WNT7B: variants seen among roughly 807,000 people sequenced by gnomAD.
WNT7B encodes Wnt family member 7B.
In WNT7B, 19 loss-of-function variants were observed where a neutral mutation model predicts 38.2. The ratio of observed to expected loss-of-function variants is 0.50; its 90% CI spans 0.35 to 0.73. WNT7B has a LOEUF of 0.73. Among genes scored for constraint, WNT7B ranks in the 30% least tolerant of loss-of-function variants. The pLI is 0.01. For synonymous variants in WNT7B, 243 were observed against 209.3 expected (o/e 1.16, Z -1.39); for missense variants, 423 against 507.9 (o/e 0.83, Z 1.61).
chr22:45,942,292 G>C (rs1453087990), intron 2 of WNT7B, among the ~76,000 whole-genome samples: 1 of 152,222 alleles, frequency 6.6e-6, no homozygotes, highest in African/African-American at 2.4e-5. Context: ...GAGAAGCTCA[G>C]GGCCCAGGTG....
intron 1 of WNT7B, among the ~76,000 whole-genome samples, chr22:45,950,549 C>G (rs1198475213): frequency 6.6e-6 from 1 of 152,246 alleles, no homozygotes; most frequent in African/African-American, 2.4e-5. Context: ...GACCCCAACT[C>G]CCCGACCAAT....
chr22:45,932,989 G>C (rs1184807740), intron 2 of WNT7B, among the ~76,000 whole-genome samples: 1 of 152,236 alleles, frequency 6.6e-6, no homozygotes, highest in East Asian at 1.9e-4. Flanking sequence ...AGCACCAACG[G>C]CATGCCCAGC....
intron 3 of WNT7B, chr22:45,927,494 C>T: frequency 1.3e-6 from 2 of 1,549,654 alleles, no homozygotes; most frequent in Non-Finnish European, 1.7e-6. Context: ...CGGCAAGTGA[C>T]TTTATTTGGA....
At chr22:45,964,531 A>T in intron 1 of WNT7B, among the ~76,000 whole-genome samples, 1 of 152,112 alleles carries the variant, frequency 6.6e-6, no homozygotes, top group East Asian at 1.9e-4. Flanking sequence ...GCACCTGGAA[A>T]TTCCCAACAC....
rs952217792 is a variant in WNT7B, at chr22:45,921,223, C to A, written c.*1633G>T. Reference sequence around the variant, plus strand: ...CAAGTTCCTCCCTCTGTCACTCATGCTCCTCAGAGACAGGGGTGGGAGCAT... The same window carrying A: ...CAAGTTCCTCCCTCTGTCACTCATGATCCTCAGAGACAGGGGTGGGAGCAT... On this transcript the variant is annotated 3_prime_UTR_variant, in exon 4 of 4. Coordinates refer to ENST00000339464, the MANE Select transcript of WNT7B (RefSeq NM_058238.3). 1 of 152,324 alleles carries A rather than the reference C, an allele frequency of 6.6e-6. No homozygotes were observed. The highest frequency in any genetic ancestry group is 6.5e-5 in the Admixed American group (1 of 15,288). 9.4% of individuals were successfully genotyped at this position (152,324 alleles called of 1,614,324 possible).
At chr22:45,963,961 A>G (rs567794212) in intron 1 of WNT7B, among the ~76,000 whole-genome samples, 2 of 152,056 alleles carry the variant, frequency 1.3e-5, no homozygotes, top group African/African-American at 2.4e-5. Flanking sequence ...CAGGAGCTGC[A>G]GCCTGGAGGG....
At position 45,931,263 on chromosome 22, in the gene WNT7B, G is replaced by C; in HGVS notation, c.405C>G (p.Arg135=). 1 of 1,598,850 alleles carries C rather than the reference G, an allele frequency of 6.3e-7. No homozygotes were observed. Among genetic ancestry groups the C allele is most frequent in the Non-Finnish European group, 8.5e-7 (1 of 1,179,774 alleles). The part of the protein sequence containing the change: ...QGNLSNCGCD[R]EKQGYYNQAE... The stretch of plus-strand genomic sequence containing the variant: ...CTTGGTTGTAGTAGCCCTGCTTCTC[G>C]CGGTCGCAGCCGCAGTTGCTCAGGT... Residue 135 remains arginine (R), a synonymous_variant, in exon 3 of 4, where the codon CGC becomes CGG. Coordinates refer to ENST00000339464, the MANE Select transcript of WNT7B (RefSeq NM_058238.3).
intron 3 of WNT7B, among the ~76,000 whole-genome samples, chr22:45,928,545 A>G (rs1033539724): frequency 6.6e-6 from 1 of 151,894 alleles, no homozygotes; most frequent in Non-Finnish European, 1.5e-5. Context: ...CACTGGCGGC[A>G]TCATCAGAGC....
intron 2 of WNT7B, among the ~76,000 whole-genome samples, chr22:45,946,000 G>A (rs1931785554): frequency 6.6e-6 from 1 of 152,222 alleles, no homozygotes; most frequent in Non-Finnish European, 1.5e-5. Flanking sequence ...GTGGGGCTAG[G>A]GGGCCCAAGA....
chr22:45,945,697 C>CG (rs1453480142), intron 2 of WNT7B, among the ~76,000 whole-genome samples: 1 of 152,212 alleles, frequency 6.6e-6, no homozygotes, highest in Non-Finnish European at 1.5e-5. Context: ...GCACCTGGCC[C>CG]GGGAGTCACC....
At chr22:45,957,704 A>AAAC (rs1932103665) in intron 1 of WNT7B, among the ~76,000 whole-genome samples, 2 of 147,758 alleles carry the variant, frequency 1.4e-5, no homozygotes, top group Non-Finnish European at 3.0e-5. Flanking sequence ...AAAAAAAAAA[A>AAAC]AAAAAAAACA....
At chr22:45,957,382 T>C (rs1346415194) in intron 1 of WNT7B, among the ~76,000 whole-genome samples, 1 of 151,322 alleles carries the variant, frequency 6.6e-6, no homozygotes, top group Non-Finnish European at 1.5e-5. Context: ...CTTCTTACAA[T>C]AATTAAAATA....
chr22:45,941,848 C>T (rs902453951), intron 2 of WNT7B, among the ~76,000 whole-genome samples: 6 of 151,868 alleles, frequency 4.0e-5, no homozygotes, highest in Non-Finnish European at 8.8e-5. Context: ...GGCCTGGTGT[C>T]GTGGGTTCTT....
In WNT7B at chr22:45,965,947, T is replaced by C. The variant is rs1393088900; in HGVS notation, c.71+10737A>G. On this transcript the variant is annotated intron_variant, in intron 1 of 3. Coordinates refer to ENST00000339464, the MANE Select transcript of WNT7B (RefSeq NM_058238.3). This position sits in a 1 kb window ranked among gnomAD's most constrained non-coding sequence, Gnocchi z 6.5. ...TAGTAAAACACCGTGACAAGTGGCA[T>C]GGACCCGACAGCCAGGAGTCCCTGG... 3.9e-5 allele frequency among the ~76,000 whole-genome samples: 6 copies of C among 152,276 alleles called. No individual in the cohort carries two copies. The highest frequency in any genetic ancestry group is 3.9e-4 in the Admixed American group (6 of 15,292).
intron 3 of WNT7B, among the ~76,000 whole-genome samples, chr22:45,927,981 C>T (rs79233925): frequency 0.025 from 3,866 of 152,232 alleles, 73 homozygotes; most frequent in Non-Finnish European, 0.038. Context: ...GTGGCCACAG[C>T]GGAGGAACAC....
chr22:45,924,782 C>G (rs2146703157), intron 3 of WNT7B, among the ~76,000 whole-genome samples: 1 of 104,458 alleles, frequency 9.6e-6, no homozygotes, highest in Non-Finnish European at 1.9e-5. Flanking sequence ...TGCCGGGGGA[C>G]CCAAAGGCTC....
intron 3 of WNT7B, among the ~76,000 whole-genome samples, chr22:45,928,089 G>A (rs933831514): frequency 2.0e-5 from 3 of 152,138 alleles, no homozygotes; most frequent in Non-Finnish European, 4.4e-5. Flanking sequence ...TTGGACTTGG[G>A]GCCCCAGAGC....
chr22:45,926,687 G>A lies in WNT7B; in HGVS notation c.571-3352C>T, dbSNP rs187058502. The A allele has an allele frequency of 1.9e-4, 186 of 981,070 alleles. No homozygotes were observed. The East Asian group carries it at 2.8e-3, about 15-fold the overall frequency. 60.8% of individuals were successfully genotyped at this position (981,070 alleles called of 1,614,324 possible). ...TTCCACAGCACCTCCCATGCTGGCC[G>A]GTCCCTGCCCCTAAGTAAGTGTGGC... is the stretch of plus-strand genomic sequence containing the variant. On this transcript the variant is annotated intron_variant, in intron 3 of 3. Coordinates refer to ENST00000339464, the MANE Select transcript of WNT7B (RefSeq NM_058238.3).
Position 45,976,750 on chromosome 22 carries a change from T to C in WNT7B, c.5A>G (p.His2Arg). The C allele has an allele frequency of 6.2e-7, 1 of 1,607,930 alleles. No homozygotes were observed. The highest frequency in any genetic ancestry group is 8.5e-7 in the Non-Finnish European group (1 of 1,176,670). The change falls in exon 1 of 4, where the codon CAC becomes CGC. Residue 2 changes from histidine to arginine, a missense_variant. Physicochemically the swap from His to Arg is conservative, Grantham distance 29 (BLOSUM62 0). Around this residue, in one of 3 missense-constraint regions of WNT7B, gnomAD observed 133 missense variants for 179.8 expected, o/e 0.74. Transcript: ENST00000339464. This position sits in a 1 kb window ranked among gnomAD's most constrained non-coding sequence, Gnocchi z 8.5. ...GAAAATCCACTTGCGAAAGTTTCTG[T>C]GCATGATCCAGGGAGGGGGGCTGCG... M[H>R]RNFRKWIFYV...
Sources: allele counts gnomAD v4.1 joint callset (sites outside exome capture counted in the v4.1 genomes callset), GRCh38; gene constraint gnomAD v4.1.1; regional missense constraint gnomAD v4.1.1; non-coding constraint Gnocchi (gnomAD v3.1); transcripts MANE v1.5; gene names NCBI Gene and HGNC (gene_info 2026-07-23, HGNC 2026-07-21).